IP6K1: variants seen among roughly 807,000 people sequenced by gnomAD.
IP6K1 encodes the protein inositol hexakisphosphate kinase 1, also known as ATP:1D-myo-inositol-hexakisphosphate phosphotransferase.
A neutral mutation model predicts 38.3 loss-of-function variants in IP6K1; 13 were observed. The observed-to-expected ratio is 0.34, with a 90% CI of 0.22 to 0.54. The LOEUF (loss-of-function observed/expected upper bound fraction) is 0.54. Ranked by LOEUF, IP6K1 falls within the 20% of genes least tolerant of loss-of-function variation. The pLI is 0.92. For missense variants in IP6K1, 397 were observed against 599.8 expected (o/e 0.66, Z 3.53); for synonymous variants, 212 against 229.9 (o/e 0.92, Z 0.70).
chr3:49,729,972 A>G (rs1316604401), intron 4 of IP6K1, among the ~76,000 whole-genome samples: 1 of 152,040 alleles, frequency 6.6e-6, no homozygotes, highest in Non-Finnish European at 1.5e-5. Flanking sequence ...AGCTCATTGC[A>G]ACCTCTGCCT....
rs771145130 is a variant in IP6K1 at position 49,727,341 on chromosome 3, C to T, written c.1107G>A (p.Ala369=). 1.8e-5 allele frequency: 29 copies of T among 1,613,856 alleles called. No individual in the cohort carries two copies. The highest frequency in any genetic ancestry group is 1.6e-4 in the Middle Eastern group (1 of 6,084). The change falls in exon 6 of 6, where the codon GCG becomes GCA. Residue 369 remains alanine (A), a synonymous_variant. Coordinates refer to ENST00000321599, the MANE Select transcript of IP6K1 (RefSeq NM_153273.4). This position sits in a 1 kb window ranked among gnomAD's most constrained non-coding sequence, Gnocchi z 5.9. ...GGCTGGTGCTGGGGCCACAGGATGA[C>T]GCCACCTCAGGGAGCACCATGTCCA... ...KHLDMVLPEV[A]SSCGPSTSPS...
chr3:49,729,804 C>T (rs945133884), intron 4 of IP6K1, among the ~76,000 whole-genome samples: 14 of 151,936 alleles, frequency 9.2e-5, no homozygotes, highest in Admixed American at 4.6e-4. Flanking sequence ...ATCCAGAGCT[C>T]GCTGCAGCAC....
At chr3:49,765,057 ACAG>A (rs769290055) in intron 1 of IP6K1, among the ~76,000 whole-genome samples, 1 of 152,220 alleles carries the variant, frequency 6.6e-6, no homozygotes, top group Admixed American at 6.5e-5. Context: ...AACGAGATTA[ACAG>A]CAGATTTCTC....
At chr3:49,754,526 TAATA>T (rs2080805752) in intron 1 of IP6K1, among the ~76,000 whole-genome samples, 1 of 152,066 alleles carries the variant, frequency 6.6e-6, no homozygotes, top group African/African-American at 2.4e-5. Flanking sequence ...TCAATGACAA[TAATA>T]ATGATAGTAA....
At chr3:49,764,962 G>A (rs1163433425) in intron 1 of IP6K1, among the ~76,000 whole-genome samples, 2 of 151,054 alleles carry the variant, frequency 1.3e-5, no homozygotes, top group Non-Finnish European at 2.9e-5. Context: ...ACAAAAACGT[G>A]TTATGAAACT....
At chr3:49,745,030 CATTT>C (rs2080708313) in intron 2 of IP6K1, among the ~76,000 whole-genome samples, 1 of 151,954 alleles carries the variant, frequency 6.6e-6, no homozygotes, top group Non-Finnish European at 1.5e-5. Context: ...TTGCCTCATT[CATTT>C]ATCAAGTATT....
intron 2 of IP6K1, among the ~76,000 whole-genome samples, chr3:49,741,641 CCAAA>C (rs1559704970): frequency 2.0e-5 from 3 of 152,060 alleles, no homozygotes; most frequent in Non-Finnish European, 4.4e-5. Flanking sequence ...TTTAACAGTC[CCAAA>C]CACTTTATAA....
intron 1 of IP6K1, chr3:49,748,845 CAATAA>C (rs1015502166): frequency 2.0e-5 from 3 of 152,220 alleles, no homozygotes; most frequent in African/African-American, 7.2e-5. Context: ...TTGTAATATA[CAATAA>C]AATAATTATA....
At chr3:49,784,748 C>T (rs992994502) in intron 1 of IP6K1, among the ~76,000 whole-genome samples, 2 of 151,728 alleles carry the variant, frequency 1.3e-5, no homozygotes, top group African/African-American at 4.8e-5. Context: ...AGTTCGAGAC[C>T]AGTCTGGCCA....
intron 2 of IP6K1, among the ~76,000 whole-genome samples, chr3:49,742,501 A>G (rs1329304426): frequency 1.3e-5 from 2 of 152,184 alleles, no homozygotes; most frequent in African/African-American, 4.8e-5. Context: ...GTGAGCCAAG[A>G]TCGCGCCACT....
intron 1 of IP6K1, among the ~76,000 whole-genome samples, chr3:49,755,234 G>T (rs77596519): frequency 0.018 from 2,716 of 151,352 alleles, 94 homozygotes; most frequent in African/African-American, 0.063. Flanking sequence ...ACCATGCCCA[G>T]CCACATTTGC....
Position 49,781,063 on chromosome 3 carries a change from A to T in IP6K1, c.-129+5291T>A, listed in dbSNP as rs551186865. Among the ~76,000 whole-genome samples, 292 of 112,122 alleles carry T rather than the reference A, an allele frequency of 2.6e-3. 2 individuals carry two copies. Among genetic ancestry groups the T allele is most frequent in the African/African-American group, 0.011 (277 of 26,234 alleles). 73.6% of individuals were successfully genotyped at this position (112,122 alleles called of 152,430 possible). ...TAGGCCCTACCAGAGGAAACAAAAA[A>T]GATTTTTTTTTTTTTGAGACAGAGT... On this transcript the variant is annotated intron_variant, in intron 1 of 5. Coordinates refer to ENST00000321599, the MANE Select transcript of IP6K1 (RefSeq NM_153273.4).
chr3:49,737,668 AG>A (rs1480076575), intron 3 of IP6K1, among the ~76,000 whole-genome samples: 1 of 152,238 alleles, frequency 6.6e-6, no homozygotes, highest in Non-Finnish European at 1.5e-5. Context: ...CCTAACAGCA[AG>A]ACTCCATCTC....
rs1054791142 is a variant in IP6K1, at chr3:49,777,872, G to A, written c.-129+8482C>T. On this transcript the variant is annotated intron_variant, in intron 1 of 5. Coordinates refer to ENST00000321599, the MANE Select transcript of IP6K1 (RefSeq NM_153273.4). ...GGAGCTTGCAGTGAGCTGAGATCGC[G>A]CCACGCACTCCAGCCTGGGCGACAG... is the stretch of plus-strand genomic sequence containing the variant. 5.9e-5 allele frequency among the ~76,000 whole-genome samples: 9 copies of A among 151,844 alleles called. No individual in the cohort carries two copies. The South Asian group carries it at 6.2e-4, about 11-fold the overall frequency.
chr3:49,784,533 T>A (rs997955989), intron 1 of IP6K1, among the ~76,000 whole-genome samples: 1 of 151,500 alleles, frequency 6.6e-6, no homozygotes, highest in Non-Finnish European at 1.5e-5. Context: ...TAATCCCAGC[T>A]ACTTGGGAGG....
intron 1 of IP6K1, among the ~76,000 whole-genome samples, chr3:49,778,822 C>T (rs908945529): frequency 1.3e-5 from 2 of 152,016 alleles, no homozygotes; most frequent in Non-Finnish European, 2.9e-5. Context: ...GATGGGGTCT[C>T]GCTATGTTTC....
intron 2 of IP6K1, 41 bp from the exon 3 acceptor site, chr3:49,738,463 G>A: frequency 6.6e-7 from 1 of 1,508,508 alleles, no homozygotes; most frequent in Non-Finnish European, 9.2e-7. Flanking sequence ...TGTCAACACA[G>A]GCCGAGTCTA....
intron 1 of IP6K1, chr3:49,749,021 G>T (rs1357470791): frequency 6.6e-6 from 1 of 152,124 alleles, no homozygotes; most frequent in African/African-American, 2.4e-5. Context: ...TTCACAATAG[G>T]GTTCATGCTC....
intron 1 of IP6K1, among the ~76,000 whole-genome samples, chr3:49,762,371 G>A (rs933900391): frequency 3.3e-5 from 5 of 152,140 alleles, no homozygotes; most frequent in Non-Finnish European, 5.9e-5. Context: ...GTGAAACCCC[G>A]TCTCTACTAA....
Sources: allele counts gnomAD v4.1 joint callset (sites outside exome capture counted in the v4.1 genomes callset), GRCh38; gene constraint gnomAD v4.1.1; non-coding constraint Gnocchi (gnomAD v3.1); transcripts MANE v1.5; gene names NCBI Gene and HGNC (gene_info 2026-07-23, HGNC 2026-07-21).